STXBP6: variants seen among roughly 807,000 people sequenced by gnomAD.
STXBP6 encodes syntaxin binding protein 6.
In STXBP6, 21 loss-of-function variants were observed where a neutral mutation model predicts 26.9. The observed-to-expected ratio is 0.78, with a 90% CI of 0.55 to 1.12. The LOEUF is 1.12. STXBP6 is among the 50% of genes most tolerant of loss of function. The pLI, the probability that STXBP6 is intolerant of heterozygous loss-of-function variation, is 0.00. For missense variants in STXBP6, 232 were observed against 257.9 expected (o/e 0.90, Z 0.69); for synonymous variants, 97 against 92.6 (o/e 1.05, Z -0.27).
At position 24,875,752 on chromosome 14, in the gene STXBP6, A is replaced by G. The variant is rs549601585; in HGVS notation, c.155-18595T>C. Among the ~76,000 whole-genome samples the G allele has an allele frequency of 2.6e-5, 4 of 152,322 alleles. No homozygotes were observed. In the East Asian group the frequency reaches 7.7e-4, roughly 29 times the overall value. On this transcript the variant is annotated intron_variant, in intron 2 of 5. Transcript: ENST00000323944. ...TCTTCTGGAAAAATCTGAAGGCACA[A>G]ATAACATTCATCAAAAAATATTTAC...
At chr14:24,882,857 G>A (rs141936535) in intron 2 of STXBP6, among the ~76,000 whole-genome samples, 7 of 152,132 alleles carry the variant, frequency 4.6e-5, no homozygotes, top group African/African-American at 9.6e-5. Flanking sequence ...CTAAAAGCTG[G>A]CAACACTTTT....
chr14:25,020,051 A>G (rs908353681), intron 1 of STXBP6, among the ~76,000 whole-genome samples: 4 of 152,120 alleles, frequency 2.6e-5, no homozygotes, highest in Admixed American at 2.0e-4. Flanking sequence ...GATATACATT[A>G]CACATGACAA....
chr14:25,011,445 C>G (rs568781737), intron 1 of STXBP6, among the ~76,000 whole-genome samples: 116 of 152,270 alleles, frequency 7.6e-4, no homozygotes, highest in Admixed American at 2.0e-3. Flanking sequence ...AACACACTTC[C>G]TTTTCTCATG....
chr14:25,034,399 A>G (rs1401904475), intron 1 of STXBP6, among the ~76,000 whole-genome samples: 1 of 152,110 alleles, frequency 6.6e-6, no homozygotes, highest in Non-Finnish European at 1.5e-5. Context: ...ATCTGCTACA[A>G]TTTCCCCATC....
At chr14:24,937,024 C>CA (rs1419970902) in intron 2 of STXBP6, among the ~76,000 whole-genome samples, 2 of 152,196 alleles carry the variant, frequency 1.3e-5, no homozygotes, top group Admixed American at 6.5e-5. Flanking sequence ...TCATTCTCAG[C>CA]AAACTAACAC....
At chr14:25,014,194 A>G (rs181209454) in intron 1 of STXBP6, among the ~76,000 whole-genome samples, 1 of 152,254 alleles carries the variant, frequency 6.6e-6, no homozygotes, top group East Asian at 1.9e-4. Flanking sequence ...AATTTTCTGT[A>G]CCAAAAAGTT....
At chr14:24,995,158 C>A (rs1026567922) in intron 1 of STXBP6, among the ~76,000 whole-genome samples, 11 of 152,142 alleles carry the variant, frequency 7.2e-5, no homozygotes, top group Non-Finnish European at 1.5e-4. Flanking sequence ...AGACCCATTT[C>A]CTACTTCATA....
chr14:24,921,610 C>A (rs2071980525), intron 2 of STXBP6, among the ~76,000 whole-genome samples: 1 of 152,088 alleles, frequency 6.6e-6, no homozygotes, highest in South Asian at 2.1e-4. Context: ...AACAGGAGCT[C>A]AGTTATTCCT....
intron 2 of STXBP6, among the ~76,000 whole-genome samples, chr14:24,943,640 G>A (rs1243621551): frequency 6.6e-6 from 1 of 152,312 alleles, no homozygotes; most frequent in South Asian, 2.1e-4. Flanking sequence ...AAACATAATT[G>A]CTATAAATAA....
At chr14:24,882,336 G>T (rs1012893868) in intron 2 of STXBP6, among the ~76,000 whole-genome samples, 11 of 113,078 alleles carry the variant, frequency 9.7e-5, no homozygotes, top group African/African-American at 3.8e-4. Context: ...CCGAGATCCC[G>T]CCACTGCACT....
chr14:24,863,702 C>T (rs1449346119), intron 2 of STXBP6, among the ~76,000 whole-genome samples: 2 of 152,022 alleles, frequency 1.3e-5, no homozygotes, highest in Non-Finnish European at 2.9e-5. Flanking sequence ...TTTCAGGCTT[C>T]CTGAAAATAT....
intron 2 of STXBP6, among the ~76,000 whole-genome samples, chr14:24,888,148 C>A (rs1403904981): frequency 6.6e-6 from 1 of 152,216 alleles, no homozygotes; most frequent in Non-Finnish European, 1.5e-5. Context: ...TGTGGTTTCT[C>A]TTAAACCTCA....
At chr14:25,028,015 T>C (rs1399161294) in intron 1 of STXBP6, among the ~76,000 whole-genome samples, 1 of 152,200 alleles carries the variant, frequency 6.6e-6, no homozygotes, top group Admixed American at 6.5e-5. Flanking sequence ...AGCTGGAAGC[T>C]AGGAGAGGTT....
Position 24,857,151 on chromosome 14 carries a change from T to A in STXBP6, c.161A>T (p.Asn54Ile). The change falls in exon 3 of 6, where the codon AAC becomes ATC. Residue 54 changes from asparagine (N) to isoleucine (I), a missense_variant. Asn to Ile is a moderately radical substitution (Grantham distance 149). Coordinates refer to ENST00000323944, the MANE Select transcript of STXBP6 (RefSeq NM_001394410.1). ...YLTYICLSVTNKKPTQASITK... is the reference protein window; with the variant it reads ...YLTYICLSVTIKKPTQASITK... Reference sequence around the variant, plus strand: ...GATGGACGCCTGTGTGGGTTTCTTGTTTGTCACTGCCAAGAAAAGATCACT... The same window carrying A: ...GATGGACGCCTGTGTGGGTTTCTTGATTGTCACTGCCAAGAAAAGATCACT... 4 of 1,612,728 alleles carry A rather than the reference T, an allele frequency of 2.5e-6. No homozygotes were observed. Among genetic ancestry groups the A allele is most frequent in the Middle Eastern group, 1.7e-4 (1 of 6,044 alleles).
intron 1 of STXBP6, among the ~76,000 whole-genome samples, chr14:24,999,552 G>GT (rs2140322660): frequency 6.6e-6 from 1 of 152,298 alleles, no homozygotes; most frequent in South Asian, 2.1e-4. Flanking sequence ...ATGGGATGGC[G>GT]TATTATGTGA....
At chr14:24,872,055 A>G (rs141050091) in intron 2 of STXBP6, among the ~76,000 whole-genome samples, 186 of 152,316 alleles carry the variant, frequency 1.2e-3, no homozygotes, top group Non-Finnish European at 2.1e-3. Context: ...ATAAAGAAGG[A>G]AAATTTTCCA....
rs548201492 is a variant in STXBP6 at position 25,045,988 on chromosome 14, G to A, written c.-33+3890C>T. On this transcript the variant is annotated intron_variant, in intron 1 of 5. Transcript: ENST00000323944. ...TGTATCTTAGAAATGAGCTAGTGCA[G>A]TATAACTAGTGTTTTAGTTTAAAAG... 4.6e-5 allele frequency among the ~76,000 whole-genome samples: 7 copies of A among 152,286 alleles called. No individual in the cohort carries two copies. In the South Asian group the frequency reaches 6.2e-4, roughly 14 times the overall value.
chr14:24,812,630 G>A lies in STXBP6; in HGVS notation c.*79C>T. On this transcript the variant is annotated 3_prime_UTR_variant, in exon 6 of 6. Coordinates refer to ENST00000323944, the MANE Select transcript of STXBP6 (RefSeq NM_001394410.1). ...AATATTGGAAAAAAAGAAGCAAGCG[G>A]AGGTCCCGAATTCTTGTAAAAACTG... 2 of 1,395,814 alleles carry A rather than the reference G, an allele frequency of 1.4e-6. No individual in the cohort carries two copies. Among genetic ancestry groups the A allele is most frequent in the South Asian group, 2.4e-5 (2 of 84,880 alleles). The allele number at this position is 1,395,814 out of a possible 1,614,324, so 86.5% of individuals were successfully genotyped here.
At chr14:24,813,860 C>T (rs985196237) in intron 5 of STXBP6, among the ~76,000 whole-genome samples, 1 of 152,170 alleles carries the variant, frequency 6.6e-6, no homozygotes, top group African/African-American at 2.4e-5. Flanking sequence ...TAAATTATAA[C>T]CCTGGGGCTG....
Sources: gnomAD v4.1 joint callset for allele counts (sites outside exome capture counted in the v4.1 genomes callset) on GRCh38, gnomAD v4.1.1 for gene constraint, MANE v1.5 for transcripts, NCBI Gene and HGNC (gene_info 2026-07-23, HGNC 2026-07-21) for gene names.